XKR4: variants seen among roughly 807,000 people sequenced by gnomAD.
XKR4 encodes XK related 4.
Under a neutral mutation model 53.9 loss-of-function variants are expected in XKR4, and 12 were observed. That is an observed-to-expected ratio of 0.22 (90% confidence interval 0.14 to 0.36). XKR4 has a LOEUF of 0.36. XKR4 is among the 10% of genes least tolerant of loss of function. XKR4 has a pLI of 1.00. For synonymous variants in XKR4, 354 were observed against 362.4 expected (o/e 0.98, Z 0.26); for missense variants, 799 against 859.5 (o/e 0.93, Z 0.88).
rs569115132 is a variant in XKR4 at position 55,385,495 on chromosome 8, T to A, written c.1006+27618T>A. On this transcript the variant is annotated intron_variant, in intron 2 of 2. Transcript: ENST00000327381. ...GCTTCTGAAAGTCAAGCATCATGCT[T>A]TATTTATCTTCAGCTGTATCTATAG... 2.0e-5 allele frequency among the ~76,000 whole-genome samples: 3 copies of A among 152,348 alleles called. No individual in the cohort carries two copies. In the South Asian group the frequency reaches 6.2e-4, roughly 32 times the overall value.
intron 1 of XKR4, among the ~76,000 whole-genome samples, chr8:55,151,734 C>T (rs1194402159): frequency 1.3e-5 from 2 of 152,164 alleles, no homozygotes; most frequent in Non-Finnish European, 2.9e-5. Flanking sequence ...AATGCAGAGA[C>T]AGAGACAGGT....
At chr8:55,371,119 T>C (rs1357410795) in intron 2 of XKR4, among the ~76,000 whole-genome samples, 1 of 150,884 alleles carries the variant, frequency 6.6e-6, no homozygotes, top group East Asian at 1.9e-4. Flanking sequence ...TGCCATGCTA[T>C]TGATGTTTGA....
At chr8:55,103,852 T>TGTATATAC (rs1816096690) in intron 1 of XKR4, among the ~76,000 whole-genome samples, 1 of 8,538 alleles carries the variant, frequency 1.2e-4, no homozygotes, top group Non-Finnish European at 2.2e-4. Flanking sequence ...AATGACTTTG[T>TGTATATAC]ATATATATAT....
chr8:55,151,970 A>C (rs1816846193), intron 1 of XKR4, among the ~76,000 whole-genome samples: 1 of 152,174 alleles, frequency 6.6e-6, no homozygotes, highest in African/African-American at 2.4e-5. Context: ...TATTTCATTA[A>C]ATTAAATTCC....
intron 1 of XKR4, 101 bp downstream of exon 1, chr8:55,103,395 C>T (rs952036705): frequency 9.4e-6 from 14 of 1,489,450 alleles, no homozygotes; most frequent in East Asian, 7.1e-5. Flanking sequence ...TTGGTAGTAA[C>T]CCTAGTCACA....
intron 1 of XKR4, among the ~76,000 whole-genome samples, chr8:55,346,801 T>C (rs1803652897): frequency 1.3e-5 from 2 of 152,052 alleles, no homozygotes; most frequent in South Asian, 4.1e-4. Flanking sequence ...GTTGTTTATT[T>C]AAAGATCTTC....
At chr8:55,505,183 T>A (rs1806507259) in intron 2 of XKR4, among the ~76,000 whole-genome samples, 1 of 152,204 alleles carries the variant, frequency 6.6e-6, no homozygotes, top group Admixed American at 6.5e-5. Context: ...AGCATTTATA[T>A]CTATAGATGT....
chr8:55,316,395 T>C (rs936931963), intron 1 of XKR4, among the ~76,000 whole-genome samples: 2 of 152,194 alleles, frequency 1.3e-5, no homozygotes, highest in Non-Finnish European at 2.9e-5. Context: ...AAGCCAAGGA[T>C]GAGACAAATA....
intron 1 of XKR4, among the ~76,000 whole-genome samples, chr8:55,152,353 A>G (rs1254295668): frequency 6.6e-6 from 1 of 152,180 alleles, no homozygotes; most frequent in African/African-American, 2.4e-5. Context: ...GAGAGTTTTA[A>G]GGCCTGATTT....
Position 55,144,665 on chromosome 8 carries a change from A to G in XKR4, c.806+41371A>G, listed in dbSNP as rs538542410. Among the ~76,000 whole-genome samples, 8 of 152,268 alleles carry G rather than the reference A, an allele frequency of 5.3e-5. 1 individual carries two copies. In the South Asian group the frequency reaches 1.5e-3, roughly 28 times the overall value. ...TAGACAAAACAAAACAACATAAAAA[A>G]GAGGTTCGGTATGTGAAGTGTGGTT... On this transcript the variant is annotated intron_variant, in intron 1 of 2. Coordinates refer to ENST00000327381, the MANE Select transcript of XKR4 (RefSeq NM_052898.2).
intron 2 of XKR4, among the ~76,000 whole-genome samples, chr8:55,449,303 G>C (rs1480710520): frequency 6.6e-6 from 1 of 152,150 alleles, no homozygotes; most frequent in Non-Finnish European, 1.5e-5. Flanking sequence ...CTCCCGGCAC[G>C]GTGCTCAGCT....
chr8:55,493,951 AC>A (rs1313696550), intron 2 of XKR4, among the ~76,000 whole-genome samples: 2 of 152,156 alleles, frequency 1.3e-5, no homozygotes, highest in African/African-American at 2.4e-5. Flanking sequence ...GTGTCACTTC[AC>A]CAGCTGGAAA....
chr8:55,304,270 C>T (rs1819255342), intron 1 of XKR4, among the ~76,000 whole-genome samples: 1 of 152,128 alleles, frequency 6.6e-6, no homozygotes, highest in Admixed American at 6.6e-5. Flanking sequence ...AGTAGTCATT[C>T]AGGAGCAGGT....
At chr8:55,388,275 T>G (rs1297949177) in intron 2 of XKR4, among the ~76,000 whole-genome samples, 2 of 152,210 alleles carry the variant, frequency 1.3e-5, no homozygotes, top group Non-Finnish European at 2.9e-5. Context: ...CAAGATAATT[T>G]CCTTTTAAGG....
intron 1 of XKR4, among the ~76,000 whole-genome samples, chr8:55,243,833 A>C (rs1317936090): frequency 6.6e-6 from 1 of 152,220 alleles, no homozygotes; most frequent in African/African-American, 2.4e-5. Flanking sequence ...TGGAAGAGGA[A>C]GGTGACGGTC....
chr8:55,421,633 T>C (rs1030074275), intron 2 of XKR4, among the ~76,000 whole-genome samples: 5 of 152,122 alleles, frequency 3.3e-5, no homozygotes, highest in African/African-American at 1.2e-4. Flanking sequence ...TTTAACAAAT[T>C]TAGGGTATAA....
intron 1 of XKR4, among the ~76,000 whole-genome samples, chr8:55,230,542 AT>A: frequency 6.6e-6 from 1 of 151,870 alleles, no homozygotes; most frequent in South Asian, 2.1e-4. Flanking sequence ...TAATTTTCAT[AT>A]TTTTAGTAGA....
chr8:55,470,423 A>C (rs957433923), intron 2 of XKR4, among the ~76,000 whole-genome samples: 1 of 152,110 alleles, frequency 6.6e-6, no homozygotes, highest in Non-Finnish European at 1.5e-5. Flanking sequence ...ACAAGATCTG[A>C]TGGTTTTATA....
intron 2 of XKR4, among the ~76,000 whole-genome samples, chr8:55,413,598 G>C (rs918482961): frequency 1.3e-5 from 2 of 152,200 alleles, no homozygotes; most frequent in South Asian, 4.1e-4. Flanking sequence ...CAGCAAAAGA[G>C]CATCCTTTAA....
Sources: gnomAD v4.1 joint callset for allele counts (sites outside exome capture counted in the v4.1 genomes callset) on GRCh38, gnomAD v4.1.1 for gene constraint, MANE v1.5 for transcripts, NCBI Gene and HGNC (gene_info 2026-07-23, HGNC 2026-07-21) for gene names.